The following TCF12 variants were observed in gnomAD, a reference collection of about 807,000 sequenced individuals.
TCF12 encodes the protein DNA-binding protein HTF4.
In TCF12, 45 loss-of-function variants were observed where a neutral mutation model predicts 86.0. The observed-to-expected ratio is 0.52, with a 90% CI of 0.41 to 0.67. TCF12 has a LOEUF of 0.67. Among genes scored for constraint, TCF12 ranks in the 30% least tolerant of loss-of-function variants. The pLI, the probability that TCF12 is intolerant of heterozygous loss-of-function variation, is 0.00. For synonymous variants in TCF12, 330 were observed against 299.6 expected (o/e 1.10, Z -1.05); for missense variants, 881 against 859.9 (o/e 1.02, Z -0.31).
chr15:56,927,495 T>C (rs931609848), intron 3 of TCF12, among the ~76,000 whole-genome samples: 4 of 152,234 alleles, frequency 2.6e-5, no homozygotes, highest in Non-Finnish European at 5.9e-5. Context: ...ACCATTAACA[T>C]TTTCTCCTGT....
chr15:57,112,759 T>C (rs1357805482), intron 5 of TCF12, among the ~76,000 whole-genome samples: 1 of 152,156 alleles, frequency 6.6e-6, no homozygotes, highest in African/African-American at 2.4e-5. Context: ...AATATCAAGA[T>C]GAAAAAGACA....
intron 3 of TCF12, among the ~76,000 whole-genome samples, chr15:56,975,192 A>G (rs1247691905): frequency 6.6e-6 from 1 of 152,140 alleles, no homozygotes; most frequent in Non-Finnish European, 1.5e-5. Flanking sequence ...TCATTTTGAC[A>G]TTGGAATTTA....
intron 3 of TCF12, among the ~76,000 whole-genome samples, chr15:57,001,702 AT>A (rs1398565481): frequency 1.3e-5 from 2 of 152,208 alleles, no homozygotes; most frequent in Non-Finnish European, 2.9e-5. Flanking sequence ...TTCCTGAAAC[AT>A]TAATTTTTTT....
chr15:57,177,768 C>T (rs962534690), intron 6 of TCF12, among the ~76,000 whole-genome samples: 14 of 151,900 alleles, frequency 9.2e-5, no homozygotes, highest in Admixed American at 2.6e-4. Flanking sequence ...TCACCCAGGG[C>T]GGAGTGCAGT....
At chr15:57,206,050 G>A (rs1257466705) in intron 8 of TCF12, among the ~76,000 whole-genome samples, 3 of 152,222 alleles carry the variant, frequency 2.0e-5, no homozygotes, top group African/African-American at 7.2e-5. Flanking sequence ...TAAGATCTTA[G>A]AGACTTCACA....
chr15:57,096,293 C>A (rs2049317146), intron 5 of TCF12, among the ~76,000 whole-genome samples: 1 of 152,056 alleles, frequency 6.6e-6, no homozygotes, highest in African/African-American at 2.4e-5. Flanking sequence ...GCCTACGACA[C>A]CCCAAAATCA....
intron 8 of TCF12, among the ~76,000 whole-genome samples, chr15:57,199,099 A>G (rs1358800948): frequency 6.6e-6 from 1 of 152,180 alleles, no homozygotes; most frequent in African/African-American, 2.4e-5. Flanking sequence ...AGCTGCAGGC[A>G]TTCTTAAAAG....
At chr15:57,126,736 A>G (rs1357388911) in intron 5 of TCF12, among the ~76,000 whole-genome samples, 2 of 152,124 alleles carry the variant, frequency 1.3e-5, no homozygotes, top group Admixed American at 1.3e-4. Context: ...CTCCCCAGTG[A>G]TTCTCAAAAG....
chr15:57,099,932 CTA>C (rs1297219662), intron 5 of TCF12, among the ~76,000 whole-genome samples: 1 of 151,538 alleles, frequency 6.6e-6, no homozygotes, highest in African/African-American at 2.4e-5. Flanking sequence ...ATTGGCTTAA[CTA>C]TGCATCCTTG....
At chr15:57,241,515 A>G (rs1018565725) in intron 12 of TCF12, among the ~76,000 whole-genome samples, 3 of 152,186 alleles carry the variant, frequency 2.0e-5, no homozygotes, top group East Asian at 3.8e-4. Context: ...AGATCCTGAA[A>G]ATAGAGTATA....
chr15:57,074,200 A>G (rs567884741), intron 4 of TCF12, among the ~76,000 whole-genome samples: 3 of 152,256 alleles, frequency 2.0e-5, no homozygotes, highest in Non-Finnish European at 4.4e-5. Context: ...CAAGAGAGTT[A>G]ATTCCCGAGC....
chr15:56,976,705 C>G (rs1226247309), intron 3 of TCF12, among the ~76,000 whole-genome samples: 1 of 152,164 alleles, frequency 6.6e-6, no homozygotes, highest in South Asian at 2.1e-4. Context: ...GAAGTGGTCT[C>G]TCCCACCCAG....
At chr15:57,154,092 C>G (rs1193680686) in intron 5 of TCF12, among the ~76,000 whole-genome samples, 1 of 151,848 alleles carries the variant, frequency 6.6e-6, no homozygotes, top group Non-Finnish European at 1.5e-5. Flanking sequence ...AAATGGCAGA[C>G]TTAAATCCAG....
rs532534169 is a variant in TCF12 at position 57,021,375 on chromosome 15, G to A, written c.149-42375G>A. ...TGATGGGACAGAAAACATTGGCATC[G>A]GGCGCGGTGGCTCACGCCTGTAATC... On this transcript the variant is annotated intron_variant, in intron 3 of 20. Coordinates refer to ENST00000333725, the MANE Select transcript of TCF12 (RefSeq NM_207037.2). 1.6e-3 allele frequency among the ~76,000 whole-genome samples: 245 copies of A among 152,302 alleles called. 1 individual carries two copies. Among genetic ancestry groups the A allele is most frequent in the African/African-American group, 5.6e-3 (234 of 41,554 alleles).
intron 3 of TCF12, among the ~76,000 whole-genome samples, chr15:56,995,415 T>G (rs1266725553): frequency 6.6e-6 from 1 of 151,974 alleles, no homozygotes; most frequent in African/African-American, 2.4e-5. Flanking sequence ...GTGGTCATTT[T>G]AATGATGTTG....
At chr15:57,176,049 T>G (rs1289370428) in intron 6 of TCF12, among the ~76,000 whole-genome samples, 2 of 152,130 alleles carry the variant, frequency 1.3e-5, no homozygotes, top group East Asian at 3.9e-4. Flanking sequence ...ATAAAAGACC[T>G]TAAAAGGGGC....
chr15:57,253,989 C>A lies in TCF12; in HGVS notation c.1467+521C>A, dbSNP rs571098015. Among the ~76,000 whole-genome samples the A allele has an allele frequency of 2.6e-5, 4 of 151,256 alleles. No individual in the cohort carries two copies. The East Asian group carries it at 7.7e-4, about 29-fold the overall frequency. ...CAAAGAGAATTTTTAAGAACTCAGT[C>A]CATCTTTTAAAAAAGTATGATAATT... On this transcript the variant is annotated intron_variant, in intron 16 of 20. Transcript: ENST00000333725.
chr15:57,127,839 C>T (rs2051785341), intron 5 of TCF12, among the ~76,000 whole-genome samples: 1 of 152,084 alleles, frequency 6.6e-6, no homozygotes. Context: ...TGTTAGAATT[C>T]TCGGGCGAGC....
At chr15:56,968,515 C>T (rs1243844597) in intron 3 of TCF12, among the ~76,000 whole-genome samples, 1 of 152,040 alleles carries the variant, frequency 6.6e-6, no homozygotes, top group Non-Finnish European at 1.5e-5. Flanking sequence ...TGCCACTGTG[C>T]CTGGCCTCAT....
Sources: gnomAD v4.1 joint callset for allele counts (sites outside exome capture counted in the v4.1 genomes callset) on GRCh38, gnomAD v4.1.1 for gene constraint, MANE v1.5 for transcripts, NCBI Gene and HGNC (gene_info 2026-07-23, HGNC 2026-07-21) for gene names.